The following ZNF701 variants were observed in gnomAD, a reference collection of about 807,000 sequenced individuals.
ZNF701 encodes the protein zinc finger protein 701.
ZNF701 carries 6 observed loss-of-function variants against 7.1 expected under a neutral mutation model. The observed-to-expected ratio is 0.84, with a 90% CI of 0.46 to 1.66. The LOEUF (loss-of-function observed/expected upper bound fraction) is 1.66. ZNF701 is among the 40% of genes most tolerant of loss of function. The pLI, the probability that ZNF701 is intolerant of heterozygous loss-of-function variation, is 0.01. For missense variants in ZNF701, 541 were observed against 559.2 expected (o/e 0.97, Z 0.33); for synonymous variants, 166 against 188.2 (o/e 0.88, Z 0.97).
Position 52,582,245 on chromosome 19 carries a change from A to G in ZNF701, c.186A>G (p.Gly62=), listed in dbSNP as rs1423386197. 1.2e-6 allele frequency: 2 copies of G among 1,603,034 alleles called. No homozygotes were observed. The highest frequency in any genetic ancestry group is 1.7e-6 in the Non-Finnish European group (2 of 1,174,618). Residue 62 remains glycine, a synonymous_variant, in exon 4 of 4, where the codon GGA becomes GGG. Coordinates refer to ENST00000391785, the MANE Select transcript of ZNF701 (RefSeq NM_018260.3). ...KCMMKMFSST[G]QGNTEVVHTG... ...TGATGAAGATGTTCTCATCAACAGGACAAGGCAATACAGAAGTGGTCCACA... is the reference window on the plus strand; with the variant it reads ...TGATGAAGATGTTCTCATCAACAGGGCAAGGCAATACAGAAGTGGTCCACA...
chr19:52,592,360 T>A, the ZNF701 span: 2 of 995,316 alleles, frequency 2.0e-6, no homozygotes, highest in South Asian at 3.2e-5. Context: ...TCTACAGTGA[T>A]GACCCTCATA....
At position 52,583,049 on chromosome 19, in the gene ZNF701, A is replaced by T. The variant is rs757857993; in HGVS notation, c.990A>T (p.Glu330Asp). The change falls in exon 4 of 4, where the codon GAA (glutamate) becomes GAT (aspartate). Residue 330 changes from glutamate (E) to aspartate (D), a missense_variant. By Grantham distance (45) the Glu-to-Asp change is conservative. Coordinates refer to ENST00000391785, the MANE Select transcript of ZNF701 (RefSeq NM_018260.3). The part of the protein sequence containing the change: ...HTGEKPYKCE[E>D]CDKVFSRKSH... ...GAGAGAAACCTTACAAATGTGAAGAATGTGACAAAGTTTTCAGTCGCAAAT... is the reference window on the plus strand; with the variant it reads ...GAGAGAAACCTTACAAATGTGAAGATTGTGACAAAGTTTTCAGTCGCAAAT... 6.2e-7 allele frequency: 1 copy of T among 1,613,804 alleles called. No individual in the cohort carries two copies. Among genetic ancestry groups the T allele is most frequent in the African/African-American group, 1.3e-5 (1 of 74,876 alleles).
At chr19:52,577,764 A>G (rs1005247322) in intron 3 of ZNF701, among the ~76,000 whole-genome samples, 11 of 152,156 alleles carry the variant, frequency 7.2e-5, no homozygotes, top group Admixed American at 2.0e-4. Context: ...CTGCTCCACC[A>G]GCTTCTCGTG....
the ZNF701 span, among the ~76,000 whole-genome samples, chr19:52,599,711 C>G: frequency 6.6e-6 from 1 of 152,156 alleles, no homozygotes; most frequent in Non-Finnish European, 1.5e-5. Context: ...GATGTTTCCA[C>G]GTGGCTATTT....
intron 1 of ZNF701, chr19:52,572,513 A>C: frequency 1.6e-5 from 12 of 756,670 alleles, no homozygotes; most frequent in Non-Finnish European, 2.2e-5. Context: ...AGGCTTCTCT[A>C]ATTTTCAAGG....
the ZNF701 span, chr19:52,597,144 C>T: frequency 1.4e-6 from 1 of 705,628 alleles, no homozygotes; most frequent in Non-Finnish European, 2.5e-6. Flanking sequence ...TGCAGTTTAT[C>T]AGCGAACTCA....
chr19:52,574,263 A>C, intron 2 of ZNF701, 101 bp downstream of exon 2: 1 of 1,540,862 alleles, frequency 6.5e-7, no homozygotes, highest in Non-Finnish European at 8.9e-7. Flanking sequence ...CCTGCCTGAC[A>C]GGTTTGCTCA....
rs1315536690 is a variant in ZNF701, at chr19:52,586,369, A to G, written c.*2912A>G. The G allele has an allele frequency of 1.3e-5, 2 of 151,818 alleles. No individual in the cohort carries two copies. The highest frequency in any genetic ancestry group is 2.9e-5 in the Non-Finnish European group (2 of 67,990). The allele number at this position is 151,818 out of a possible 1,614,324, so 9.4% of individuals were successfully genotyped here. ...TTTCTTAATTTAAAAAAAAAAATGT[A>G]TATGTAGACTGAACGCGGTGGCTCA... On this transcript the variant is annotated 3_prime_UTR_variant, in exon 4 of 4. Coordinates refer to ENST00000391785, the MANE Select transcript of ZNF701 (RefSeq NM_018260.3).
chr19:52,596,181 A>C, the ZNF701 span: 1 of 647,472 alleles, frequency 1.5e-6, no homozygotes. Flanking sequence ...CACGTAACCC[A>C]TTCAGGAGAG....
chr19:52,595,063 C>T, the ZNF701 span, among the ~76,000 whole-genome samples: 3 of 151,056 alleles, frequency 2.0e-5, no homozygotes, highest in South Asian at 6.3e-4. Flanking sequence ...CTCACTGCAA[C>T]CTCCGCCTCC....
chr19:52,581,671 C>T (rs1264859794), intron 3 of ZNF701, among the ~76,000 whole-genome samples: 1 of 152,186 alleles, frequency 6.6e-6, no homozygotes, highest in Non-Finnish European at 1.5e-5. Flanking sequence ...CGTGGGCCAC[C>T]ACACCTGCCT....
Position 52,583,243 on chromosome 19 carries a change from C to G in ZNF701, c.1184C>G (p.Ser395Ter). 1 of 1,610,120 alleles carries G rather than the reference C, an allele frequency of 6.2e-7. No individual in the cohort carries two copies. The highest frequency in any genetic ancestry group is 8.5e-7 in the Non-Finnish European group (1 of 1,177,066). The change falls in exon 4 of 4, where the codon TCA becomes TGA. Residue 395 changes from serine to a stop codon, truncating the protein, a stop_gained. Transcript: ENST00000391785. LOFTEE classifies it low-confidence loss of function (END_TRUNC). The part of the protein sequence containing the change: ...NECGKTFVQN[S>*]SLVMHKVIHT... Reference sequence around the variant, plus strand: ...TGTGGCAAGACCTTTGTTCAAAATTCATCTCTTGTAATGCATAAGGTCATT... The same window carrying G: ...TGTGGCAAGACCTTTGTTCAAAATTGATCTCTTGTAATGCATAAGGTCATT...
chr19:52,576,016 C>T lies in ZNF701; in HGVS notation c.137C>T (p.Ser46Phe), dbSNP rs751730173. The change falls in exon 3 of 4, where the codon TCC becomes TTC. Residue 46 changes from serine (S) to phenylalanine (F), a missense_variant. Coordinates refer to ENST00000391785, the MANE Select transcript of ZNF701 (RefSeq NM_018260.3). ...CTGGAGAATTATAGGAACCTGGTCTCCCTGGGTGAGGATAACTTCCCTCCA... is the reference window on the plus strand; with the variant it reads ...CTGGAGAATTATAGGAACCTGGTCTTCCTGGGTGAGGATAACTTCCCTCCA... ...VMLENYRNLV[S>F]LDTSSKCMMK... 24 of 1,575,156 alleles carry T rather than the reference C, an allele frequency of 1.5e-5. No individual in the cohort carries two copies. The highest frequency in any genetic ancestry group is 2.1e-5 in the Admixed American group (1 of 48,264).
the ZNF701 span, chr19:52,595,901 A>T: frequency 3.1e-6 from 5 of 1,613,228 alleles, no homozygotes; most frequent in Non-Finnish European, 3.4e-6. Context: ...GCTTGGATCA[A>T]GCTTTCATTC....
chr19:52,597,668 G>A, the ZNF701 span: 1 of 327,580 alleles, frequency 3.1e-6, no homozygotes, highest in South Asian at 2.6e-5. Context: ...GTTGGGGTGG[G>A]ACCTGATTAG....
chr19:52,575,749 A>G (rs2059930285), intron 2 of ZNF701, 146 bp from the exon 3 acceptor site: 1 of 571,060 alleles, frequency 1.8e-6, no homozygotes, highest in African/African-American at 2.1e-5. Flanking sequence ...CACTGGGAAG[A>G]CATCATGTGG....
At chr19:52,576,128 G>T in intron 3 of ZNF701, 107 bp downstream of exon 3, 1 of 1,583,428 alleles carries the variant, frequency 6.3e-7, no homozygotes, top group Non-Finnish European at 8.5e-7. Flanking sequence ...AATGGAAGCC[G>T]TATTGAGTTA....
chr19:52,571,827 T>C (rs2059902201), intron 1 of ZNF701, among the ~76,000 whole-genome samples: 1 of 151,982 alleles, frequency 6.6e-6, no homozygotes, highest in Non-Finnish European at 1.5e-5. Context: ...GCAACCCTTT[T>C]TGGTTTTTTT....
rs920174257 is a variant in ZNF701 at position 52,583,372 on chromosome 19, A to G, written c.1313A>G (p.Tyr438Cys). ...AGACTTCATACTGGAGAGAAACCTT[A>G]CAAGTGTAATGAATGTGGCAAGGTT... ...HRRLHTGEKP[Y>C]KCNECGKVFN... The change falls in exon 4 of 4, where the codon TAC becomes TGC. Residue 438 changes from tyrosine (Y) to cysteine (C), a missense_variant. By Grantham distance (194) the Tyr-to-Cys change is radical. Transcript: ENST00000391785. 9 of 1,613,422 alleles carry G rather than the reference A, an allele frequency of 5.6e-6. No homozygotes were observed. In the East Asian group the frequency reaches 6.7e-5, roughly 12 times the overall value.
Sources: gnomAD v4.1 joint callset for allele counts (sites outside exome capture counted in the v4.1 genomes callset) on GRCh38, gnomAD v4.1.1 for gene constraint, MANE v1.5 for transcripts, NCBI Gene and HGNC (gene_info 2026-07-23, HGNC 2026-07-21) for gene names.